The following SSUH2 variants were observed in gnomAD, a reference collection of about 807,000 sequenced individuals.
SSUH2 encodes ssu-2 homolog.
SSUH2 carries 47 observed loss-of-function variants against 55.3 expected under a neutral mutation model. That is an observed-to-expected ratio of 0.85 (90% confidence interval 0.67 to 1.08). The LOEUF (loss-of-function observed/expected upper bound fraction) is 1.08, where lower values mean the gene tolerates loss of function less well. Ranked by LOEUF, SSUH2 falls within the 50% of genes least tolerant of loss-of-function variation. The pLI, the probability that SSUH2 is intolerant of heterozygous loss-of-function variation, is 0.00. For synonymous variants in SSUH2, 212 were observed against 191.5 expected, an observed-to-expected ratio of 1.11 and a Z score of -0.89; for missense variants, 535 against 490.7, an observed-to-expected ratio of 1.09 and a Z score of -0.85.
At chr3:8,663,799 G>T in exon 6 of SSUH2, 1 of 456,704 alleles carries the variant, frequency 2.2e-6, no homozygotes, top group Non-Finnish European at 4.4e-6. Context: ...GGACACACAG[G>T]TAACTGTAGA....
chr3:8,672,678 C>A (rs181853461), intron 3 of SSUH2, among the ~76,000 whole-genome samples: 168 of 151,922 alleles, frequency 1.1e-3, no homozygotes, highest in Non-Finnish European at 1.6e-3. Context: ...GTGTACACAG[C>A]CTGCGATATT....
At chr3:8,677,532 C>T (rs1705506258) in intron 2 of SSUH2, 2 of 150,902 alleles carry the variant, frequency 1.3e-5, no homozygotes, top group South Asian at 4.3e-4. Flanking sequence ...AAAGGAAAAA[C>T]TTCTGGCAGC....
At chr3:8,634,656 A>G in intron 3 of SSUH2, 3 of 1,166,662 alleles carry the variant, frequency 2.6e-6, no homozygotes, top group Non-Finnish European at 3.4e-6. Flanking sequence ...CTAAGCATGG[A>G]AAGTGGGTGT....
chr3:8,629,633 C>CTGACTCACCAGTGGTTAACAGA, intron 7 of SSUH2, 31 bp downstream of exon 7: 2 of 1,587,726 alleles, frequency 1.3e-6, no homozygotes, highest in Non-Finnish European at 1.7e-6. Context: ...CACACCCTCA[C>CTGACTCACCAGTGGTTAACAGA]TGACTCACCA....
chr3:8,656,796 T>G (rs1575311296), intron 7 of SSUH2, among the ~76,000 whole-genome samples: 1 of 152,074 alleles, frequency 6.6e-6, no homozygotes, highest in Admixed American at 6.5e-5. Context: ...TGAATGTGGG[T>G]TTTTCTGGCT....
At position 8,632,979 on chromosome 3, in the gene SSUH2, G is replaced by C. The variant is rs193028584; in HGVS notation, c.339+687C>G. ...CTGTCACTTCTAGCTGCATCTTCTT[G>C]GGAAAATCACTTTGCCTCTTTAAAT... is the stretch of plus-strand genomic sequence containing the variant. On this transcript the variant is annotated intron_variant, in intron 4 of 11. Transcript: ENST00000544814. Among the ~76,000 whole-genome samples the C allele has an allele frequency of 7.2e-5, 11 of 152,174 alleles. No homozygotes were observed. In the East Asian group the frequency reaches 2.1e-3, roughly 29 times the overall value.
chr3:8,650,387 T>C (rs1702257330), intron 7 of SSUH2, among the ~76,000 whole-genome samples: 1 of 152,238 alleles, frequency 6.6e-6, no homozygotes, highest in Non-Finnish European at 1.5e-5. Flanking sequence ...CTTAGCACTG[T>C]GAACAGAGCC....
chr3:8,624,376 A>G (rs1697090651), intron 10 of SSUH2, among the ~76,000 whole-genome samples: 1 of 152,218 alleles, frequency 6.6e-6, no homozygotes. Context: ...GCAGCCAGTG[A>G]CGCCTAGGGA....
chr3:8,655,907 A>G (rs1237559514), intron 7 of SSUH2, among the ~76,000 whole-genome samples: 1 of 152,216 alleles, frequency 6.6e-6, no homozygotes, highest in African/African-American at 2.4e-5. Context: ...AATGTTTCAG[A>G]TATCTCCACT....
At chr3:8,644,985 T>G (rs1701488681), upstream of SSUH2, among the ~76,000 whole-genome samples, 1 of 152,232 alleles carries the variant, frequency 6.6e-6, no homozygotes, top group African/African-American at 2.4e-5. Context: ...GACCAAGCTC[T>G]TATGGATGCT....
upstream of SSUH2, among the ~76,000 whole-genome samples, chr3:8,649,336 C>T (rs1054126098): frequency 1.3e-4 from 20 of 152,136 alleles, 1 homozygote; most frequent in African/African-American, 4.6e-4. Context: ...GTCCCAGGAG[C>T]GGGCAAGGTG....
At chr3:8,668,310 C>T (rs72624404) in intron 5 of SSUH2, among the ~76,000 whole-genome samples, 12,044 of 152,256 alleles carry the variant, frequency 0.079, 629 homozygotes, top group East Asian at 0.19. Flanking sequence ...TTTTAAGACA[C>T]TATTTTTCAC....
chr3:8,625,456 C>A, intron 10 of SSUH2, 86 bp downstream of exon 10: 2 of 796,556 alleles, frequency 2.5e-6, no homozygotes, highest in South Asian at 3.2e-5. Context: ...AGGAATGCAG[C>A]CTGCACACAC....
chr3:8,638,302 T>C (rs2125230471), intron 1 of SSUH2, among the ~76,000 whole-genome samples: 1 of 152,218 alleles, frequency 6.6e-6, no homozygotes, highest in South Asian at 2.1e-4. Flanking sequence ...GAACACCCCC[T>C]CTCTACCACC....
Position 8,635,391 on chromosome 3 carries a change from G to T in SSUH2, c.128-10C>A. ...AAGAATATCTGTCCTCCTGGAGAAG[G>T]GAAGAGTCAGGGGCTGGACAGCCCA... is the stretch of plus-strand genomic sequence containing the variant. On this transcript the variant is annotated splice_polypyrimidine_tract_variant and intron_variant, in intron 2 of 11. Coordinates refer to ENST00000544814, the MANE Select transcript of SSUH2 (RefSeq NM_001256748.3). 6.5e-7 allele frequency: 1 copy of T among 1,532,850 alleles called. No homozygotes were observed. The highest frequency in any genetic ancestry group is 8.7e-7 in the Non-Finnish European group (1 of 1,144,076). The allele number at this position is 1,532,850 out of a possible 1,614,324, so 95.0% of individuals were successfully genotyped here. A position where few individuals can be genotyped will look rare whatever the true frequency, so the allele number is the denominator to read the frequency against.
At chr3:8,653,855 C>T (rs1345020674) in intron 7 of SSUH2, among the ~76,000 whole-genome samples, 4 of 152,180 alleles carry the variant, frequency 2.6e-5, no homozygotes, top group Non-Finnish European at 5.9e-5. Context: ...TCTGAAGCCA[C>T]TTTAGGCCAC....
At chr3:8,678,702 C>CGGCTTT (rs1385012964) in intron 2 of SSUH2, among the ~76,000 whole-genome samples, 1 of 65,400 alleles carries the variant, frequency 1.5e-5, no homozygotes, top group African/African-American at 5.0e-5. Flanking sequence ...TCTTCCCCTC[C>CGGCTTT]TGGGTCTTAG....
At chr3:8,658,093 G>T (rs1234244690) in intron 7 of SSUH2, among the ~76,000 whole-genome samples, 3 of 152,206 alleles carry the variant, frequency 2.0e-5, no homozygotes, top group Non-Finnish European at 2.9e-5. Flanking sequence ...GGGTAACCCT[G>T]GGCAGGTCAC....
intron 7 of SSUH2, among the ~76,000 whole-genome samples, chr3:8,651,253 A>G (rs1339315479): frequency 1.3e-5 from 2 of 152,224 alleles, no homozygotes. Context: ...TTTCTGTCAT[A>G]AATGCTTCGG....
Sources: gnomAD v4.1 joint callset for allele counts (sites outside exome capture counted in the v4.1 genomes callset) on GRCh38, gnomAD v4.1.1 for gene constraint, MANE v1.5 for transcripts, NCBI Gene and HGNC (gene_info 2026-07-23, HGNC 2026-07-21) for gene names.